ALPK2: variants seen among roughly 807,000 people sequenced by gnomAD.
ALPK2 encodes the protein alpha-protein kinase 2.
Under a neutral mutation model 163.1 loss-of-function variants are expected in ALPK2, and 127 were observed. The ratio of observed to expected loss-of-function variants is 0.78; its 90% CI spans 0.67 to 0.90. The LOEUF (loss-of-function observed/expected upper bound fraction) is 0.90, where lower values mean the gene tolerates loss of function less well. Ranked by LOEUF, ALPK2 falls within the 40% of genes least tolerant of loss-of-function variation. ALPK2 has a pLI of 0.00. For synonymous variants in ALPK2, 953 were observed against 959.1 expected (o/e 0.99, Z 0.12); for missense variants, 2,360 against 2,589.6 (o/e 0.91, Z 1.92).
At chr18:58,589,543 G>C (rs1339387233) in intron 3 of ALPK2, among the ~76,000 whole-genome samples, 2 of 152,148 alleles carry the variant, frequency 1.3e-5, no homozygotes, top group African/African-American at 4.8e-5. Context: ...AGAAAAGGAA[G>C]ACATAAACGA....
intron 4 of ALPK2, among the ~76,000 whole-genome samples, chr18:58,541,893 C>A (rs1471596161): frequency 6.6e-6 from 1 of 152,188 alleles, no homozygotes; most frequent in Non-Finnish European, 1.5e-5. Context: ...AAACCACAGA[C>A]TCACACCTTC....
In ALPK2 at chr18:58,516,963, T is replaced by C; in HGVS notation, c.5885A>G (p.Tyr1962Cys). Residue 1962 changes from tyrosine to cysteine, a missense_variant, in exon 9 of 13, where the codon TAT becomes TGT. Transcript: ENST00000361673. ...CVLKVHNAIA[Y>C]GTRNNDELIQ... Reference sequence around the variant, plus strand: ...GAGCTCATCATTATTTCTGGTCCCATAGGCAATGGCATTGTGCACCTTAAG... The same window carrying C: ...GAGCTCATCATTATTTCTGGTCCCACAGGCAATGGCATTGTGCACCTTAAG... 1.2e-6 allele frequency: 2 copies of C among 1,614,176 alleles called. No homozygotes were observed. The highest frequency in any genetic ancestry group is 1.1e-5 in the South Asian group (1 of 91,084).
In ALPK2 at chr18:58,565,185, G is replaced by A. The variant is rs1045226764; in HGVS notation, c.1962+13629C>T. Among the ~76,000 whole-genome samples the A allele has an allele frequency of 3.3e-5, 5 of 152,222 alleles. No individual in the cohort carries two copies. The East Asian group carries it at 5.8e-4, about 18-fold the overall frequency. ...TACCCATGAACATTTCCTTAGAAAC[G>A]TTTCCTTAGAAATAATTCTACAACA... is the stretch of plus-strand genomic sequence containing the variant. On this transcript the variant is annotated intron_variant, in intron 4 of 12. Transcript: ENST00000361673.
At chr18:58,576,041 A>G (rs2051919951) in intron 4 of ALPK2, among the ~76,000 whole-genome samples, 1 of 152,218 alleles carries the variant, frequency 6.6e-6, no homozygotes, top group Non-Finnish European at 1.5e-5. Context: ...TTTCTGCAAA[A>G]AGGCACCTAA....
chr18:58,578,827 C>T lies in ALPK2; in HGVS notation c.1949G>A (p.Ser650Asn), dbSNP rs759378256. ...GAAAAGTCTTACCTGAGGAGGATCACTCCAGTCTGGAACCTGGCTTGTTTC... is the reference window on the plus strand; with the variant it reads ...GAAAAGTCTTACCTGAGGAGGATCATTCCAGTCTGGAACCTGGCTTGTTTC... ...LFETSQVPDWSDPPQVQVQET... is the reference protein window; with the variant it reads ...LFETSQVPDWNDPPQVQVQET... The change falls in exon 4 of 13, where the codon AGT (serine) becomes AAT (asparagine). Residue 650 changes from serine to asparagine, a missense_variant. Ser to Asn is a conservative substitution (Grantham distance 46). Transcript: ENST00000361673. 2 of 1,612,508 alleles carry T rather than the reference C, an allele frequency of 1.2e-6. No homozygotes were observed. The highest frequency in any genetic ancestry group is 1.7e-6 in the Non-Finnish European group (2 of 1,179,318).
intron 12 of ALPK2, among the ~76,000 whole-genome samples, chr18:58,491,273 CAA>C (rs1199173249): frequency 6.6e-6 from 1 of 152,198 alleles, no homozygotes; most frequent in Non-Finnish European, 1.5e-5. Context: ...GACTTTGAAA[CAA>C]AGACGGTAAC....
At chr18:58,553,907 G>A (rs150269248) in intron 4 of ALPK2, among the ~76,000 whole-genome samples, 1,713 of 116,302 alleles carry the variant, frequency 0.015, 34 homozygotes, top group African/African-American at 0.051. Context: ...TGTCACTCAG[G>A]CTAGAGTGCA....
In ALPK2 at chr18:58,573,314, G is replaced by A. The variant is rs1162971063; in HGVS notation, c.1962+5500C>T. ...TATGTATATATGTGTGTATATATAT[G>A]TGTGTATATATGTATATATGTGTAT... On this transcript the variant is annotated intron_variant, in intron 4 of 12. Transcript: ENST00000361673. 3.3e-4 allele frequency among the ~76,000 whole-genome samples: 40 copies of A among 122,962 alleles called. 1 individual carries two copies. The highest frequency in any genetic ancestry group is 1.2e-3 in the African/African-American group (38 of 31,748). 80.7% of individuals were successfully genotyped at this position (122,962 alleles called of 152,430 possible). A position where few individuals can be genotyped will look rare whatever the true frequency, so the allele number is the denominator to read the frequency against.
At position 58,500,701 on chromosome 18, in the gene ALPK2, G is replaced by C. The variant is rs1305054167; in HGVS notation, c.6248-2604C>G. On this transcript the variant is annotated intron_variant, in intron 11 of 12. Coordinates refer to ENST00000361673, the MANE Select transcript of ALPK2 (RefSeq NM_052947.4). ...GCACTTTGGGAGGCCCAGGCAGGTGGATCGCTTGAGGTCAGGAGTTCAGAC... is the reference window on the plus strand; with the variant it reads ...GCACTTTGGGAGGCCCAGGCAGGTGCATCGCTTGAGGTCAGGAGTTCAGAC... Among the ~76,000 whole-genome samples the C allele has an allele frequency of 2.0e-5, 3 of 152,054 alleles. No individual in the cohort carries two copies. In the East Asian group the frequency reaches 5.8e-4, roughly 29 times the overall value.
At chr18:58,544,333 C>T (rs1184608519) in intron 4 of ALPK2, 1 of 152,166 alleles carries the variant, frequency 6.6e-6, no homozygotes, top group Non-Finnish European at 1.5e-5. Flanking sequence ...GAATGTCTGC[C>T]ATGGATTTAA....
At chr18:58,496,972 G>A (rs934846312) in intron 12 of ALPK2, among the ~76,000 whole-genome samples, 1 of 152,226 alleles carries the variant, frequency 6.6e-6, no homozygotes, top group Non-Finnish European at 1.5e-5. Flanking sequence ...CTATGTCCCA[G>A]AGACTGCTGG....
At chr18:58,506,194 A>G (rs917209176) in intron 10 of ALPK2, among the ~76,000 whole-genome samples, 3 of 152,120 alleles carry the variant, frequency 2.0e-5, no homozygotes, top group African/African-American at 7.2e-5. Context: ...AGATGGCAAC[A>G]GTAGACACCG....
In ALPK2 at chr18:58,537,010, A is replaced by G. The variant is rs2051653368; in HGVS notation, c.3177T>C (p.His1059=). The change falls in exon 5 of 13, where the codon CAT becomes CAC. Residue 1059 remains histidine, a synonymous_variant. Coordinates refer to ENST00000361673, the MANE Select transcript of ALPK2 (RefSeq NM_052947.4). The part of the protein sequence containing the change: ...SQFPSQVQLD[H]ILSGATIKST... ...ATTTGATGGTAGCACCACTTAAAAT[A>G]TGATCCAACTGCACTTGGGAAGGAA... The G allele has an allele frequency of 1.2e-6, 2 of 1,614,192 alleles. No individual in the cohort carries two copies. The highest frequency in any genetic ancestry group is 1.3e-5 in the African/African-American group (1 of 75,048).
chr18:58,506,621 G>T (rs1310721919), intron 10 of ALPK2, among the ~76,000 whole-genome samples: 1 of 152,110 alleles, frequency 6.6e-6, no homozygotes, highest in Non-Finnish European at 1.5e-5. Context: ...TGCCTTCCAG[G>T]GTCAGCCGTT....
rs373786602 is a variant in ALPK2 at position 58,579,411 on chromosome 18, G to C, written c.1365C>G (p.Pro455=). 6.2e-7 allele frequency: 1 copy of C among 1,613,904 alleles called. No individual in the cohort carries two copies. Among genetic ancestry groups the C allele is most frequent in the Non-Finnish European group, 8.5e-7 (1 of 1,180,018 alleles). Residue 455 remains proline, a synonymous_variant, in exon 4 of 13, where the codon CCC becomes CCG. Transcript: ENST00000361673. ...CTGGATAATCATTTTCAGCAGCCTCGGGAGCAGTGGGGAGTTTATATCTCC... is the reference window on the plus strand; with the variant it reads ...CTGGATAATCATTTTCAGCAGCCTCCGGAGCAGTGGGGAGTTTATATCTCC... ...EQGRYKLPTA[P]EAAENDYPGI...
Position 58,546,326 on chromosome 18 carries a change from G to C in ALPK2, c.1963-8102C>G, listed in dbSNP as rs142520488. 1.1e-4 allele frequency among the ~76,000 whole-genome samples: 16 copies of C among 152,258 alleles called. No individual in the cohort carries two copies. In the East Asian group the frequency reaches 2.9e-3, roughly 28 times the overall value. ...CATAGAGTTTGTAAAATACTGATTT[G>C]ATCTTTTGCTGGGAGAGGCCTGGGT... On this transcript the variant is annotated intron_variant, in intron 4 of 12. Coordinates refer to ENST00000361673, the MANE Select transcript of ALPK2 (RefSeq NM_052947.4).
chr18:58,534,893 A>T lies in ALPK2; in HGVS notation c.5294T>A (p.Leu1765Ter), dbSNP rs1555667979. The change falls in exon 5 of 13, where the codon TTA (leucine) becomes TAA (stop). Residue 1765 changes from leucine (L) to a stop codon, truncating the protein, a stop_gained. Transcript: ENST00000361673. LOFTEE classifies it high-confidence loss of function. ...GTCTTGTTTCTCTTCTGTGTGTGAT[A>T]ATGATGTTTCGAGTTTGGGCATCTT... Reference protein sequence around the residue: ...LKKMPKLETSLSHTEEKQDPK... With the variant: ...LKKMPKLETS 6.2e-7 allele frequency: 1 copy of T among 1,614,046 alleles called. No homozygotes were observed. Among genetic ancestry groups the T allele is most frequent in the Non-Finnish European group, 8.5e-7 (1 of 1,179,998 alleles).
chr18:58,536,402 G>T lies in ALPK2; in HGVS notation c.3785C>A (p.Ser1262Ter). The change falls in exon 5 of 13, where the codon TCA (serine) becomes TAA (stop). Residue 1262 changes from serine to a stop codon, truncating the protein, a stop_gained. Coordinates refer to ENST00000361673, the MANE Select transcript of ALPK2 (RefSeq NM_052947.4). LOFTEE classifies it high-confidence loss of function. ...GTCAGGAATTATGAGACCACCGTCT[G>T]ATGCCTTGCTCTCAGAATTTGTCAG... is the stretch of plus-strand genomic sequence containing the variant. Reference protein sequence around the residue: ...RQLTNSESKASDGGLIIPDKV... With the variant: ...RQLTNSESKA The T allele has an allele frequency of 6.2e-7, 1 of 1,614,206 alleles. No homozygotes were observed. Among genetic ancestry groups the T allele is most frequent in the South Asian group, 1.1e-5 (1 of 91,082 alleles).
intron 3 of ALPK2, among the ~76,000 whole-genome samples, chr18:58,581,788 C>A (rs1384281565): frequency 6.6e-6 from 1 of 152,230 alleles, no homozygotes. Flanking sequence ...AAGGCAGGAG[C>A]TGTGGGTCTG....
Sources: allele counts gnomAD v4.1 joint callset (sites outside exome capture counted in the v4.1 genomes callset), GRCh38; gene constraint gnomAD v4.1.1; transcripts MANE v1.5; gene names NCBI Gene and HGNC (gene_info 2026-07-23, HGNC 2026-07-21).